The following CTCF variants were observed in gnomAD, a reference collection of about 807,000 sequenced individuals.
CTCF encodes CCCTC-binding factor.
A neutral mutation model predicts 72.3 loss-of-function variants in CTCF; 7 were observed. That is an observed-to-expected ratio of 0.10 (90% CI 0.06 to 0.18). The LOEUF is 0.18. Among genes scored for constraint, CTCF ranks in the 10% least tolerant of loss-of-function variants. The probability of loss-of-function intolerance (pLI) is 1.00; values close to 1 mark genes in which losing one functional copy is unlikely to be tolerated. For synonymous variants in CTCF, 374 were observed against 315.8 expected (o/e 1.18, Z -1.95); for missense variants, 516 against 949.1 (o/e 0.54, Z 6.00).
At chr16:67,621,368 C>T in intron 6 of CTCF, 74 bp from the exon 7 acceptor site, 2 of 1,140,162 alleles carry the variant, frequency 1.8e-6, no homozygotes, top group South Asian at 1.4e-5. Flanking sequence ...ATATCTGCCA[C>T]CTGAGTTACC....
intron 2 of CTCF, among the ~76,000 whole-genome samples, chr16:67,577,431 A>G (rs996508775): frequency 5.5e-5 from 8 of 144,988 alleles, no homozygotes; most frequent in South Asian, 2.1e-4. Context: ...TAATGTCTAG[A>G]CTTCTTTTTT....
chr16:67,624,525 A>T (rs2052255426), intron 7 of CTCF, among the ~76,000 whole-genome samples: 2 of 151,712 alleles, frequency 1.3e-5, no homozygotes, highest in Non-Finnish European at 2.9e-5. Flanking sequence ...TCTTCCTCTT[A>T]CTTCTTTAAA....
chr16:67,636,545 CAA>C (rs57092222), intron 10 of CTCF, 143 bp from the exon 11 acceptor site: 359 of 152,588 alleles, frequency 2.4e-3, no homozygotes, highest in Middle Eastern at 3.4e-3. Flanking sequence ...GAGACTGTCT[CAA>C]AAAAAAAAAA....
chr16:67,576,140 T>TAAAAA (rs561098313), intron 2 of CTCF, among the ~76,000 whole-genome samples: 1 of 91,910 alleles, frequency 1.1e-5, no homozygotes, highest in Admixed American at 1.2e-4. Flanking sequence ...GACCCTGTCT[T>TAAAAA]AAAAAAAAAA....
At chr16:67,618,647 C>T (rs1018285955) in intron 5 of CTCF, among the ~76,000 whole-genome samples, 6 of 152,062 alleles carry the variant, frequency 3.9e-5, no homozygotes, top group African/African-American at 1.4e-4. Context: ...CTAAGAGTAT[C>T]AGAACAAAAA....
At chr16:67,623,656 A>T (rs1168476913) in intron 7 of CTCF, among the ~76,000 whole-genome samples, 1 of 151,924 alleles carries the variant, frequency 6.6e-6, no homozygotes, top group African/African-American at 2.4e-5. Context: ...AATCTTAGCC[A>T]GACACAGTGG....
Position 67,606,120 on chromosome 16 carries a change from T to A in CTCF, c.-9-4704T>A, listed in dbSNP as rs1307271018. Among the ~76,000 whole-genome samples, 3 of 152,198 alleles carry A rather than the reference T, an allele frequency of 2.0e-5. No homozygotes were observed. The East Asian group carries it at 5.8e-4, about 29-fold the overall frequency. The stretch of plus-strand genomic sequence containing the variant: ...TGAGGTATTTTGTTATTCAAGACCA[T>A]CCAAACTATGGGGGGCAACCAGCAC... On this transcript the variant is annotated intron_variant, in intron 2 of 11. Transcript: ENST00000264010.
At chr16:67,583,978 C>A (rs1406009624) in intron 2 of CTCF, among the ~76,000 whole-genome samples, 1 of 152,136 alleles carries the variant, frequency 6.6e-6, no homozygotes, top group African/African-American at 2.4e-5. Flanking sequence ...TTGGAGACTT[C>A]TGTCTGATTT....
At chr16:67,611,843 G>T (rs942441935) in intron 3 of CTCF, 108 bp from the exon 4 acceptor site, 20 of 1,064,078 alleles carry the variant, frequency 1.9e-5, no homozygotes, top group Non-Finnish European at 2.8e-5. Flanking sequence ...ACTTATATTG[G>T]GTTTTGTTAT....
intron 10 of CTCF, among the ~76,000 whole-genome samples, chr16:67,630,788 A>G (rs947542444): frequency 1.3e-5 from 2 of 152,144 alleles, no homozygotes; most frequent in Non-Finnish European, 2.9e-5. Flanking sequence ...CCTCACAAAG[A>G]GGGTGGAGGA....
intron 9 of CTCF, 103 bp from the exon 10 acceptor site, chr16:67,629,295 C>T: frequency 1.8e-6 from 2 of 1,111,386 alleles, no homozygotes; most frequent in Non-Finnish European, 2.6e-6. Flanking sequence ...TTAGCAGATA[C>T]TAGAATTTTT....
At chr16:67,592,083 C>G (rs1229958985) in intron 2 of CTCF, among the ~76,000 whole-genome samples, 1 of 151,926 alleles carries the variant, frequency 6.6e-6, no homozygotes, top group African/African-American at 2.4e-5. Context: ...AGTGAGAATA[C>G]CAGACTAAGC....
chr16:67,577,761 G>C (rs2051518915), intron 2 of CTCF, among the ~76,000 whole-genome samples: 1 of 152,054 alleles, frequency 6.6e-6, no homozygotes, highest in Admixed American at 6.6e-5. Context: ...TAGACTTCTT[G>C]AGTGGAATCG....
chr16:67,600,432 G>C (rs2051871337), intron 2 of CTCF, among the ~76,000 whole-genome samples: 1 of 151,918 alleles, frequency 6.6e-6, no homozygotes, highest in Non-Finnish European at 1.5e-5. Flanking sequence ...GTTTCACCAT[G>C]TTGCCCAAGC....
At chr16:67,563,491 G>A (rs1346463134) in intron 1 of CTCF, 2 of 152,196 alleles carry the variant, frequency 1.3e-5, no homozygotes, top group African/African-American at 2.4e-5. Flanking sequence ...CGCTGCCTGA[G>A]CGGGCGGGGG....
intron 8 of CTCF, 176 bp downstream of exon 8, chr16:67,626,891 C>G: frequency 2.4e-6 from 1 of 417,316 alleles, no homozygotes; most frequent in Middle Eastern, 6.2e-4. Context: ...ATCCCGGTGT[C>G]CAGATGATGT....
intron 2 of CTCF, among the ~76,000 whole-genome samples, chr16:67,598,331 ATTCTTT>A (rs1354136507): frequency 4.6e-5 from 7 of 152,092 alleles, no homozygotes; most frequent in Non-Finnish European, 4.4e-5. Context: ...AGTTCACGTT[ATTCTTT>A]TTCTTGTATC....
chr16:67,619,663 C>T (rs2052176991), intron 5 of CTCF, among the ~76,000 whole-genome samples: 2 of 152,134 alleles, frequency 1.3e-5, no homozygotes, highest in Admixed American at 1.3e-4. Context: ...TCACTGTAGC[C>T]TTAAACTCCT....
intron 10 of CTCF, among the ~76,000 whole-genome samples, chr16:67,634,002 C>T (rs2052398166): frequency 6.6e-6 from 1 of 152,072 alleles, no homozygotes; most frequent in Non-Finnish European, 1.5e-5. Context: ...AAAGTAATAG[C>T]CAATCCCACA....
Sources: gnomAD v4.1 joint callset for allele counts (sites outside exome capture counted in the v4.1 genomes callset) on GRCh38, gnomAD v4.1.1 for gene constraint, MANE v1.5 for transcripts, NCBI Gene and HGNC (gene_info 2026-07-23, HGNC 2026-07-21) for gene names.